The following LRP8 variants were observed in gnomAD, a reference collection of about 807,000 sequenced individuals.
LRP8 encodes low-density lipoprotein receptor-related protein 8.
A neutral mutation model predicts 111.6 loss-of-function variants in LRP8; 46 were observed. The ratio of observed to expected loss-of-function variants is 0.41; its 90% CI spans 0.33 to 0.53. The LOEUF is 0.53. Among genes scored for constraint, LRP8 ranks in the 20% least tolerant of loss-of-function variants. The pLI, the probability that LRP8 is intolerant of heterozygous loss-of-function variation, is 0.20. For missense variants in LRP8, 959 were observed against 1,297.4 expected, an observed-to-expected ratio of 0.74 and a Z score of 4.01; for synonymous variants, 464 against 511.2, an observed-to-expected ratio of 0.91 and a Z score of 1.24.
intron 16 of LRP8, among the ~76,000 whole-genome samples, chr1:53,254,103 A>G (rs1381131599): frequency 6.6e-6 from 1 of 152,152 alleles, no homozygotes; most frequent in African/African-American, 2.4e-5. Context: ...AAGTACTCAT[A>G]GCCAAGTAAG....
In LRP8 at chr1:53,266,367, C is replaced by A. The variant is rs1646556151; in HGVS notation, c.1427+106G>T. 2.5e-6 allele frequency: 3 copies of A among 1,194,718 alleles called. No homozygotes were observed. The highest frequency in any genetic ancestry group is 1.5e-5 in the African/African-American group (1 of 66,518). 74.0% of individuals were successfully genotyped at this position (1,194,718 alleles called of 1,614,324 possible). ...CTGCATCTCTTCCCAAGTCCCAACT[C>A]TGTCCTGAGGAGCTCTAGAGGCAGA... On this transcript the variant is annotated intron_variant, in intron 9 of 18. Transcript: ENST00000306052. This position sits in a 1 kb window ranked among gnomAD's most constrained non-coding sequence, Gnocchi z 5.0.
intron 16 of LRP8, among the ~76,000 whole-genome samples, chr1:53,252,969 C>T (rs1391952213): frequency 2.6e-5 from 4 of 151,930 alleles, no homozygotes; most frequent in African/African-American, 7.3e-5. Context: ...AATCAAAGTA[C>T]GTATGGGAGG....
At position 53,245,537 on chromosome 1, in the gene LRP8, T is replaced by C. The variant is rs1020405683; in HGVS notation, c.*1481A>G. ...GAAGATGTCTATAATGAAGAACATCTATACATATACCCGGAGTTTTTCCTT... is the reference window on the plus strand; with the variant it reads ...GAAGATGTCTATAATGAAGAACATCCATACATATACCCGGAGTTTTTCCTT... On this transcript the variant is annotated 3_prime_UTR_variant, in exon 19 of 19. Transcript: ENST00000306052. The C allele has an allele frequency of 1.3e-5, 2 of 152,182 alleles. No individual in the cohort carries two copies. The highest frequency in any genetic ancestry group is 4.8e-5 in the African/African-American group (2 of 41,440). 9.4% of individuals were successfully genotyped at this position (152,182 alleles called of 1,614,324 possible).
At chr1:53,315,285 A>AC (rs1653649903) in intron 2 of LRP8, among the ~76,000 whole-genome samples, 2 of 152,170 alleles carry the variant, frequency 1.3e-5, no homozygotes, top group South Asian at 4.2e-4. Flanking sequence ...CTCCTACTCC[A>AC]CCCCGCAGTG....
chr1:53,261,543 G>C (rs942809619), intron 12 of LRP8, among the ~76,000 whole-genome samples: 6 of 152,228 alleles, frequency 3.9e-5, no homozygotes, highest in Non-Finnish European at 8.8e-5. Context: ...GAGAAGAAAA[G>C]TCATTAGGGT....
At position 53,266,132 on chromosome 1, in the gene LRP8, G is replaced by T. The variant is rs762321832; in HGVS notation, c.1427+341C>A. ...TAAGTCCCCAGGTTCCAACACACAG[G>T]GATGTGAGCTGCTTGGAAAGTCCTC... On this transcript the variant is annotated intron_variant, in intron 9 of 18. Coordinates refer to ENST00000306052, the MANE Select transcript of LRP8 (RefSeq NM_004631.5). The surrounding 1 kb of genome is among the most constrained non-coding windows in gnomAD (Gnocchi z 5.0). Among the ~76,000 whole-genome samples the T allele has an allele frequency of 6.6e-6, 1 of 152,066 alleles. No homozygotes were observed. Among genetic ancestry groups the T allele is most frequent in the Non-Finnish European group, 1.5e-5 (1 of 68,004 alleles).
intron 2 of LRP8, among the ~76,000 whole-genome samples, chr1:53,297,771 C>A (rs1292615663): frequency 6.6e-6 from 1 of 152,204 alleles, no homozygotes; most frequent in Non-Finnish European, 1.5e-5. Flanking sequence ...TAAGGAGTTA[C>A]ACAATTCTAA....
chr1:53,274,520 A>G (rs1572507844), intron 6 of LRP8, among the ~76,000 whole-genome samples: 1 of 152,388 alleles, frequency 6.6e-6, no homozygotes, highest in East Asian at 1.9e-4. Flanking sequence ...GTAGAGATGT[A>G]GACCAGAGGC....
chr1:53,271,220 G>C lies in LRP8; in HGVS notation c.1126+7C>G, dbSNP rs1329315121. 7 of 1,613,768 alleles carry C rather than the reference G, an allele frequency of 4.3e-6. No homozygotes were observed. Among genetic ancestry groups the C allele is most frequent in the Non-Finnish European group, 5.9e-6 (7 of 1,179,990 alleles). ...CTTCTGCTTGGGGGTGTGGGAGAAG[G>C]TCTCACCGCCACAGGTCTTCTGGTC... On this transcript the variant is annotated splice_region_variant and intron_variant, in intron 7 of 18. Transcript: ENST00000306052.
chr1:53,292,100 C>T (rs903816153), intron 2 of LRP8: 2 of 152,188 alleles, frequency 1.3e-5, no homozygotes, highest in African/African-American at 4.8e-5. Context: ...ACCCACAGGC[C>T]CTCTGGGTGC....
At chr1:53,310,062 G>A (rs1652711853) in intron 2 of LRP8, among the ~76,000 whole-genome samples, 1 of 152,098 alleles carries the variant, frequency 6.6e-6, no homozygotes, top group Admixed American at 6.5e-5. Flanking sequence ...CTGCCCCGGA[G>A]CATACCCACA....
intron 2 of LRP8, 30 bp downstream of exon 2, chr1:53,326,843 C>G (rs2100560000): frequency 6.2e-7 from 1 of 1,605,780 alleles, no homozygotes; most frequent in Middle Eastern, 1.7e-4. Flanking sequence ...TTTCTCTCCC[C>G]GGGTCTGAGC....
At chr1:53,299,142 G>A (rs564662116) in intron 2 of LRP8, among the ~76,000 whole-genome samples, 4 of 151,786 alleles carry the variant, frequency 2.6e-5, no homozygotes, top group Non-Finnish European at 5.9e-5. Flanking sequence ...TGTGTGGAGC[G>A]AATGATTGAG....
Position 53,264,203 on chromosome 1 carries a change from C to G in LRP8, c.1621G>C (p.Glu541Gln). 1 of 1,614,152 alleles carries G rather than the reference C, an allele frequency of 6.2e-7. No individual in the cohort carries two copies. The highest frequency in any genetic ancestry group is 8.5e-7 in the Non-Finnish European group (1 of 1,180,030). Residue 541 changes from glutamate (E) to glutamine (Q), a missense_variant, in exon 10 of 19, where the codon GAA (glutamate) becomes CAA (glutamine). Glu to Gln is a conservative substitution (Grantham distance 29). Transcript: ENST00000306052. ...RRTLFSRNLS[E>Q]PRAIAVDPLR... is the part of the protein sequence containing the mutation. ...GGGTCAACAGCGATGGCCCGGGGTT[C>G]ACTGAGGTTACGGCTGAAGAGAGTG...
chr1:53,270,654 A>C (rs1646729564), intron 8 of LRP8, among the ~76,000 whole-genome samples: 2 of 152,134 alleles, frequency 1.3e-5, no homozygotes, highest in African/African-American at 4.8e-5. Context: ...AAAAAAACCC[A>C]ATGCAGAACT....
intron 15 of LRP8, 116 bp from the exon 16 acceptor site, chr1:53,255,301 T>C: frequency 2.4e-6 from 2 of 845,036 alleles, no homozygotes; most frequent in Non-Finnish European, 3.9e-6. Flanking sequence ...AAAATGATGA[T>C]CCTGGCTGTT....
At chr1:53,280,242 C>A (rs1647062205) in intron 4 of LRP8, among the ~76,000 whole-genome samples, 1 of 152,186 alleles carries the variant, frequency 6.6e-6, no homozygotes, top group Non-Finnish European at 1.5e-5. Flanking sequence ...GATGGATGAG[C>A]AGATGTCAGA....
intron 4 of LRP8, among the ~76,000 whole-genome samples, chr1:53,278,942 G>A (rs896368119): frequency 6.7e-5 from 9 of 133,608 alleles, no homozygotes; most frequent in Non-Finnish European, 1.4e-4. Flanking sequence ...TGTATTTTTA[G>A]TAGAGGTGGG....
At chr1:53,290,434 A>G (rs890805141) in intron 2 of LRP8, among the ~76,000 whole-genome samples, 1 of 152,224 alleles carries the variant, frequency 6.6e-6, no homozygotes, top group Non-Finnish European at 1.5e-5. Flanking sequence ...TAATGTATGA[A>G]GAACCTGCAG....
Sources: allele counts gnomAD v4.1 joint callset (sites outside exome capture counted in the v4.1 genomes callset), GRCh38; gene constraint gnomAD v4.1.1; non-coding constraint Gnocchi (gnomAD v3.1); transcripts MANE v1.5; gene names NCBI Gene and HGNC (gene_info 2026-07-23, HGNC 2026-07-21).